REELD1: variants seen among roughly 807,000 people sequenced by gnomAD.
REELD1 encodes reeler domain containing 1.
Under a neutral mutation model 6.3 loss-of-function variants are expected in REELD1, and 12 were observed. The observed-to-expected ratio is 1.89, with a 90% CI of 1.21 to 3.07. The LOEUF (loss-of-function observed/expected upper bound fraction) is 3.07, where lower values mean the gene tolerates loss of function less well. Among genes scored for constraint, REELD1 ranks in the 30% most tolerant of loss-of-function variants. REELD1 has a pLI of 0.00. For synonymous variants in REELD1, 57 were observed against 33.6 expected (o/e 1.70, Z -2.42); for missense variants, 163 against 86.8 (o/e 1.88, Z -3.49).
At chr4:146,219,845 A>G (rs1390709908) in intron 3 of REELD1, among the ~76,000 whole-genome samples, 1 of 152,222 alleles carries the variant, frequency 6.6e-6, no homozygotes, top group Non-Finnish European at 1.5e-5. Context: ...TATAATCTTA[A>G]GCAGACACAA....
Position 146,229,984 on chromosome 4 carries a change from G to C in REELD1, c.1052G>C (p.Trp351Ser). ...TVQLTYPQCL[W>S]SSETFTGNGV... ...CAGCTTACCTATCCCCAGTGCCTCT[G>C]GTCCTCTGAAACTTTCACAGGGAAT... Residue 351 changes from tryptophan (W) to serine (S), a missense_variant, in exon 8 of 8, where the codon TGG becomes TCG. By Grantham distance (177) the Trp-to-Ser change is radical (BLOSUM62 -3). Coordinates refer to ENST00000623665, the MANE Select transcript of REELD1 (RefSeq NM_001354631.1). 1 of 398,682 alleles carries C rather than the reference G, an allele frequency of 2.5e-6. No individual in the cohort carries two copies. The highest frequency in any genetic ancestry group is 4.4e-6 in the Non-Finnish European group (1 of 226,124). 24.7% of individuals were successfully genotyped at this position (398,682 alleles called of 1,614,324 possible).
intron 5 of REELD1, among the ~76,000 whole-genome samples, chr4:146,227,775 G>T (rs1731050423): frequency 6.6e-6 from 1 of 152,178 alleles, no homozygotes; most frequent in Non-Finnish European, 1.5e-5. Context: ...CATAGCAGAT[G>T]TTCAAGTCAT....
intron 3 of REELD1, among the ~76,000 whole-genome samples, chr4:146,219,272 A>G (rs1420150885): frequency 6.6e-6 from 1 of 152,218 alleles, no homozygotes; most frequent in Non-Finnish European, 1.5e-5. Context: ...GGGAAACACA[A>G]TTGGATTGTA....
Position 146,230,399 on chromosome 4 carries a change from C to G in REELD1, c.1467C>G (p.Ser489Arg), listed in dbSNP as rs1731108539. Residue 489 changes from serine to arginine, a missense_variant, in exon 8 of 8, where the codon AGC (serine) becomes AGG (arginine). By Grantham distance (110) the Ser-to-Arg change is moderately radical (BLOSUM62 -1). Coordinates refer to ENST00000623665, the MANE Select transcript of REELD1 (RefSeq NM_001354631.1). ...SEPASDAVAR[S>R]NSGETVHVRK... Reference sequence around the variant, plus strand: ...CCGCTTCGGATGCTGTTGCCAGGAGCAACAGTGGTGAGACTGTGCACGTCA... The same window carrying G: ...CCGCTTCGGATGCTGTTGCCAGGAGGAACAGTGGTGAGACTGTGCACGTCA... 4 of 398,750 alleles carry G rather than the reference C, an allele frequency of 1.0e-5. No homozygotes were observed. Among genetic ancestry groups the G allele is most frequent in the Non-Finnish European group, 1.8e-5 (4 of 226,158 alleles). 24.7% of individuals were successfully genotyped at this position (398,750 alleles called of 1,614,324 possible).
rs1730792464 is a variant in REELD1, at chr4:146,214,605, G to A, written c.-224G>A. On this transcript the variant is annotated 5_prime_UTR_variant, in exon 1 of 8. Transcript: ENST00000623665. ...CTCCCCATTAGAGGAAAAACTGAAA[G>A]GAGAAGAAAATACTTATGTTTAAGG... is the stretch of plus-strand genomic sequence containing the variant. 6.6e-6 allele frequency: 1 copy of A among 152,186 alleles called. No individual in the cohort carries two copies. The highest frequency in any genetic ancestry group is 1.5e-5 in the Non-Finnish European group (1 of 68,056). The allele number at this position is 152,186 out of a possible 1,614,324, so 9.4% of individuals were successfully genotyped here.
Position 146,228,245 on chromosome 4 carries a change from AC to A in REELD1, c.632del (p.Thr211AsnfsTer17). 1 of 702,504 alleles carries A rather than the reference AC, an allele frequency of 1.4e-6. No homozygotes were observed. The highest frequency in any genetic ancestry group is 2.6e-6 in the Non-Finnish European group (1 of 384,970). The allele number at this position is 702,504 out of a possible 1,614,324, so 43.5% of individuals were successfully genotyped here. ...CCCCATCACTCTTCCACAGCAGCAC[AC>A]ACATGTCTTTGCTGTTGCCCTTCCT... ...RTPITLPQQHTHVFAVALPGA... is the reference protein window; with the variant it reads ...RTPITLPQQHXHVFAVALPGA... On this transcript the variant is annotated frameshift_variant, in exon 6 of 8. Transcript: ENST00000623665. LOFTEE classifies it high-confidence loss of function.
At chr4:146,221,189 G>C (rs899435939) in intron 3 of REELD1, among the ~76,000 whole-genome samples, 1 of 152,166 alleles carries the variant, frequency 6.6e-6, no homozygotes, top group African/African-American at 2.4e-5. Context: ...TGGACACTCT[G>C]TACTGGCCAT....
intron 3 of REELD1, among the ~76,000 whole-genome samples, chr4:146,218,884 C>T (rs988277009): frequency 5.3e-5 from 8 of 151,862 alleles, no homozygotes; most frequent in African/African-American, 1.9e-4. Context: ...CATGGTGGCT[C>T]ATGCCTGTAA....
rs1221378273 is a variant in REELD1 at position 146,228,356 on chromosome 4, C to T, written c.742C>T (p.Gln248Ter). Residue 248 changes from glutamine (Q) to a stop codon, truncating the protein, a stop_gained, in exon 6 of 8, where the codon CAA (glutamine) becomes TAA (stop). Transcript: ENST00000623665. LOFTEE classifies it high-confidence loss of function. ...TCCTGGGGATGCAGAGACTCTGTCCCAACCATCTTCACACACAGCCACTGA... is the reference window on the plus strand; with the variant it reads ...TCCTGGGGATGCAGAGACTCTGTCCTAACCATCTTCACACACAGCCACTGA... Reference protein sequence around the residue: ...KFPGDAETLSQPSSHTATEGS... With the variant: ...KFPGDAETLS The T allele has an allele frequency of 1.4e-6, 1 of 702,550 alleles. No homozygotes were observed. The highest frequency in any genetic ancestry group is 1.5e-5 in the South Asian group (1 of 67,586). 43.5% of individuals were successfully genotyped at this position (702,550 alleles called of 1,614,324 possible).
intron 5 of REELD1, among the ~76,000 whole-genome samples, chr4:146,227,201 A>T (rs1212999090): frequency 6.6e-6 from 1 of 152,240 alleles, no homozygotes; most frequent in Non-Finnish European, 1.5e-5. Flanking sequence ...GCGGGTCTGC[A>T]GGAAATATCC....
intron 4 of REELD1, among the ~76,000 whole-genome samples, chr4:146,223,906 A>G (rs933087350): frequency 6.6e-6 from 1 of 152,264 alleles, no homozygotes; most frequent in Non-Finnish European, 1.5e-5. Context: ...TTACTGAAAT[A>G]TTTGGAAGAA....
chr4:146,221,962 T>C (rs528534941), intron 3 of REELD1, among the ~76,000 whole-genome samples: 18 of 152,354 alleles, frequency 1.2e-4, no homozygotes, highest in African/African-American at 4.1e-4. Context: ...TGAATATTTG[T>C]CTGTTTTATG....
chr4:146,231,881 C>G lies in REELD1; in HGVS notation c.*1368C>G, dbSNP rs1306712443. 6.6e-6 allele frequency: 1 copy of G among 152,224 alleles called. No homozygotes were observed. Among genetic ancestry groups the G allele is most frequent in the Non-Finnish European group, 1.5e-5 (1 of 68,040 alleles). The allele number at this position is 152,224 out of a possible 1,614,324, so 9.4% of individuals were successfully genotyped here. Reference sequence around the variant, plus strand: ...TTCCAAGACTCTCTCCTCCTGGATTCTGGGCTAGGTAGCTCTGTTCCCTGG... The same window carrying G: ...TTCCAAGACTCTCTCCTCCTGGATTGTGGGCTAGGTAGCTCTGTTCCCTGG... On this transcript the variant is annotated 3_prime_UTR_variant, in exon 8 of 8. Coordinates refer to ENST00000623665, the MANE Select transcript of REELD1 (RefSeq NM_001354631.1).
rs944387903 is a variant in REELD1, at chr4:146,232,153, T to C, written c.*1640T>C. 1 of 152,270 alleles carries C rather than the reference T, an allele frequency of 6.6e-6. No homozygotes were observed. The highest frequency in any genetic ancestry group is 6.5e-5 in the Admixed American group (1 of 15,286). 9.4% of individuals were successfully genotyped at this position (152,270 alleles called of 1,614,324 possible). ...CACCATGTATGCAAACTTTTTTAGA[T>C]CTTTTCTGTCTAAGAGAGAATTTTC... On this transcript the variant is annotated 3_prime_UTR_variant, in exon 8 of 8. Coordinates refer to ENST00000623665, the MANE Select transcript of REELD1 (RefSeq NM_001354631.1).
At chr4:146,223,760 G>A (rs1471754263) in intron 4 of REELD1, among the ~76,000 whole-genome samples, 7 of 152,174 alleles carry the variant, frequency 4.6e-5, no homozygotes, top group Non-Finnish European at 8.8e-5. Context: ...TCTGGAAACC[G>A]CATGTTGGGG....
chr4:146,216,713 A>C (rs994357251), intron 2 of REELD1, among the ~76,000 whole-genome samples: 1 of 152,236 alleles, frequency 6.6e-6, no homozygotes, highest in African/African-American at 2.4e-5. Flanking sequence ...CTTATGAGAA[A>C]ATTACAAGAA....
At chr4:146,216,861 A>G (rs1730835098) in intron 2 of REELD1, 81 bp from the exon 3 acceptor site, 5 of 397,548 alleles carry the variant, frequency 1.3e-5, no homozygotes, top group Admixed American at 4.4e-5. Context: ...TGTGGGGTTC[A>G]GGTTAGTCAC....
chr4:146,218,044 C>G (rs969455039), intron 3 of REELD1, among the ~76,000 whole-genome samples: 2 of 152,172 alleles, frequency 1.3e-5, no homozygotes, highest in African/African-American at 4.8e-5. Flanking sequence ...GAGAGATCAT[C>G]CCAGGAAACA....
In REELD1 at chr4:146,230,817, G is replaced by A. The variant is rs988305092; in HGVS notation, c.*304G>A. On this transcript the variant is annotated 3_prime_UTR_variant, in exon 8 of 8. Coordinates refer to ENST00000623665, the MANE Select transcript of REELD1 (RefSeq NM_001354631.1). ...ACCCGCTCATTAACTAGACCCCTGT[G>A]GCCACTAAGCTTCCTCTGTTGTGGT... 7.2e-5 allele frequency: 15 copies of A among 208,154 alleles called. No homozygotes were observed. Among genetic ancestry groups the A allele is most frequent in the African/African-American group, 2.5e-4 (11 of 43,706 alleles). 12.9% of individuals were successfully genotyped at this position (208,154 alleles called of 1,614,324 possible).
Sources: allele counts gnomAD v4.1 joint callset (sites outside exome capture counted in the v4.1 genomes callset), GRCh38; gene constraint gnomAD v4.1.1; transcripts MANE v1.5; gene names NCBI Gene and HGNC (gene_info 2026-07-23, HGNC 2026-07-21).